Variants in TENM2 observed in about 807,000 individuals in gnomAD.
TENM2 encodes the protein teneurin-2.
In TENM2, 52 loss-of-function variants were observed where a neutral mutation model predicts 245.2. The observed-to-expected ratio is 0.21, with a 90% CI of 0.17 to 0.27. The LOEUF (loss-of-function observed/expected upper bound fraction) is 0.27, where lower values mean the gene tolerates loss of function less well. Ranked by LOEUF, TENM2 falls within the 10% of genes least tolerant of loss-of-function variation. The pLI is 1.00. For synonymous variants in TENM2, 1,363 were observed against 1,438.9 expected (o/e 0.95, Z 1.19); for missense variants, 3,046 against 3,666.8 (o/e 0.83, Z 4.37).
At chr5:167,884,564 A>G (rs7379874) in intron 3 of TENM2, among the ~76,000 whole-genome samples, 39,378 of 152,140 alleles carry the variant, frequency 0.26, 6,242 homozygotes, top group East Asian at 0.74. Flanking sequence ...ATGTTGTAGC[A>G]TGTAATTCTA....
At chr5:167,297,163 C>A (rs2127729018) in intron 1 of TENM2, among the ~76,000 whole-genome samples, 1 of 152,318 alleles carries the variant, frequency 6.6e-6, no homozygotes, top group South Asian at 2.1e-4. Flanking sequence ...GCTTATAGGA[C>A]CTCATACTTA....
the TENM2 span, among the ~76,000 whole-genome samples, chr5:167,045,512 TC>T: frequency 6.6e-6 from 1 of 152,170 alleles, no homozygotes; most frequent in Non-Finnish European, 1.5e-5. Context: ...CTCTTCTCTC[TC>T]CTTCACCTTG....
At chr5:167,752,394 G>A (rs1478011236) in intron 2 of TENM2, among the ~76,000 whole-genome samples, 1 of 150,160 alleles carries the variant, frequency 6.7e-6, no homozygotes, top group Admixed American at 6.7e-5. Context: ...GATTACTTGT[G>A]TAAGCCACCG....
chr5:167,382,977 T>A (rs1761181147), intron 2 of TENM2, among the ~76,000 whole-genome samples: 1 of 151,976 alleles, frequency 6.6e-6, no homozygotes, highest in Non-Finnish European at 1.5e-5. Flanking sequence ...TGGTGAAAAA[T>A]AGAAAAGTAC....
At chr5:167,112,255 AT>A in the TENM2 span, among the ~76,000 whole-genome samples, 2 of 152,176 alleles carry the variant, frequency 1.3e-5, no homozygotes, top group East Asian at 3.8e-4. Context: ...ATACCACCGT[AT>A]TTCTCCTTTT....
intron 2 of TENM2, among the ~76,000 whole-genome samples, chr5:167,846,860 A>G (rs1184525518): frequency 1.3e-5 from 2 of 152,236 alleles, no homozygotes; most frequent in African/African-American, 4.8e-5. Context: ...GCAGAATCAT[A>G]TTCCAAAGAT....
At chr5:167,493,143 G>A (rs1389398996) in intron 2 of TENM2, among the ~76,000 whole-genome samples, 2 of 151,932 alleles carry the variant, frequency 1.3e-5, no homozygotes, top group East Asian at 3.9e-4. Flanking sequence ...GAAACCTTTG[G>A]TGGCCCACAC....
the TENM2 span, among the ~76,000 whole-genome samples, chr5:167,114,926 G>A: frequency 1.3e-5 from 2 of 152,230 alleles, no homozygotes; most frequent in African/African-American, 4.8e-5. Flanking sequence ...AAGGGGATAT[G>A]CCTTAGCAAT....
rs751325623 is a variant in TENM2 at position 168,204,620 on chromosome 5, C to T, written c.3823C>T (p.Arg1275Ter). 1.9e-6 allele frequency: 3 copies of T among 1,612,804 alleles called. No individual in the cohort carries two copies. Among genetic ancestry groups the T allele is most frequent in the African/African-American group, 1.3e-5 (1 of 74,914 alleles). ...AAATGTGACCAGCATCTTGGAGTTA[C>T]GGTAAATGGCCTCACAGGCAACCTT... Residue 1275 changes from arginine (R) to a stop codon, truncating the protein, a stop_gained and splice_region_variant, in exon 19 of 29, where the codon CGA (arginine) becomes TGA (stop). Coordinates refer to ENST00000518659, the Ensembl canonical transcript of TENM2. LOFTEE classifies it high-confidence loss of function.
intron 1 of TENM2, among the ~76,000 whole-genome samples, chr5:167,290,795 A>G (rs1389876302): frequency 6.6e-6 from 1 of 152,196 alleles, no homozygotes; most frequent in African/African-American, 2.4e-5. Flanking sequence ...AGATTGGAAA[A>G]ACTGCTCTAA....
intron 5 of TENM2, among the ~76,000 whole-genome samples, chr5:168,023,980 T>C (rs532492443): frequency 1.3e-5 from 2 of 152,226 alleles, no homozygotes; most frequent in African/African-American, 2.4e-5. Context: ...TGTATACATA[T>C]ATAGAGAGAG....
At chr5:167,006,791 C>G in the TENM2 span, among the ~76,000 whole-genome samples, 1 of 152,032 alleles carries the variant, frequency 6.6e-6, no homozygotes, top group African/African-American at 2.4e-5. Flanking sequence ...CTCAGCCTCC[C>G]AAGTAGCTGG....
chr5:168,112,965 C>A (rs149041889), intron 9 of TENM2, among the ~76,000 whole-genome samples: 27 of 152,314 alleles, frequency 1.8e-4, no homozygotes, highest in African/African-American at 5.8e-4. Context: ...GCTATTTTGA[C>A]GATTTGCCTG....
chr5:167,849,090 G>A (rs183783309), intron 2 of TENM2, among the ~76,000 whole-genome samples: 2 of 152,306 alleles, frequency 1.3e-5, no homozygotes, highest in Admixed American at 6.5e-5. Flanking sequence ...GTGTCAACAT[G>A]ACAGCATTTC....
chr5:167,171,128 G>T, the TENM2 span, among the ~76,000 whole-genome samples: 2 of 152,006 alleles, frequency 1.3e-5, no homozygotes, highest in African/African-American at 4.8e-5. Flanking sequence ...TGCCCCTTTG[G>T]CTCTGTTCCA....
At chr5:167,191,551 A>T in the TENM2 span, among the ~76,000 whole-genome samples, 1 of 151,988 alleles carries the variant, frequency 6.6e-6, no homozygotes, top group Non-Finnish European at 1.5e-5. Context: ...TATGAATTTT[A>T]CTGTCATCTT....
At chr5:167,487,430 T>A (rs889335146) in intron 2 of TENM2, among the ~76,000 whole-genome samples, 6 of 152,174 alleles carry the variant, frequency 3.9e-5, no homozygotes, top group African/African-American at 1.4e-4. Context: ...TGCTTGTATA[T>A]GTATGTTTGT....
exon 4 of TENM2, chr5:167,952,682 C>G (rs1304368886): frequency 6.2e-7 from 1 of 1,612,974 alleles, no homozygotes; most frequent in Non-Finnish European, 8.5e-7. Context: ...CCGCCAACTC[C>G]CTCAACAGGA....
At chr5:167,660,665 C>T (rs1056422185) in intron 2 of TENM2, among the ~76,000 whole-genome samples, 3 of 151,782 alleles carry the variant, frequency 2.0e-5, no homozygotes, top group Non-Finnish European at 4.4e-5. Flanking sequence ...TTTTTGCTGA[C>T]AGTAACTTAT....
Sources: gnomAD v4.1 joint callset for allele counts (sites outside exome capture counted in the v4.1 genomes callset) on GRCh38, gnomAD v4.1.1 for gene constraint, MANE v1.5 for transcripts, NCBI Gene and HGNC (gene_info 2026-07-23, HGNC 2026-07-21) for gene names.